Variants in FGD5 observed in about 807,000 individuals in gnomAD.
FGD5 encodes FYVE, RhoGEF and PH domain-containing protein 5.
FGD5 carries 28 observed loss-of-function variants against 133.4 expected under a neutral mutation model. That is an observed-to-expected ratio of 0.21 (90% CI 0.16 to 0.29). FGD5 has a LOEUF of 0.29. FGD5 is among the 10% of genes least tolerant of loss of function. The pLI is 1.00. For missense variants in FGD5, 1,858 were observed against 1,895.2 expected, an observed-to-expected ratio of 0.98 and a Z score of 0.36; for synonymous variants, 810 against 776.5, an observed-to-expected ratio of 1.04 and a Z score of -0.72.
At chr3:14,818,319 A>G (rs542927624), upstream of FGD5, among the ~76,000 whole-genome samples, 1 of 152,338 alleles carries the variant, frequency 6.6e-6, no homozygotes, top group East Asian at 1.9e-4. Context: ...CCCCAGCAGA[A>G]GCACACATCA....
intron 1 of FGD5, among the ~76,000 whole-genome samples, chr3:14,821,938 A>G (rs768125986): frequency 6.6e-6 from 1 of 152,112 alleles, no homozygotes; most frequent in Non-Finnish European, 1.5e-5. Context: ...CGTCTCTACT[A>G]AAAATACAAA....
rs776780984 is a variant in FGD5, at chr3:14,820,786, A to T, written c.1715A>T (p.Asp572Val). Residue 572 changes from aspartate to valine, a missense_variant, in exon 1 of 20, where the codon GAT (aspartate) becomes GTT (valine). By Grantham distance (152) the Asp-to-Val change is radical. This residue lies in a region of FGD5 where 1,824 missense variants were observed against 1,848.9 expected (regional missense o/e 0.99). Coordinates refer to ENST00000285046, the MANE Select transcript of FGD5 (RefSeq NM_152536.4). ...CAGGAGCCTGAGGGGTCAGGGTTGG[A>T]TGACCACAGGATAAAGAGGAAAGAG... ...VYQEPEGSGL[D>V]DHRIKRKEDN... The T allele has an allele frequency of 3.1e-6, 5 of 1,613,818 alleles. No homozygotes were observed. Among genetic ancestry groups the T allele is most frequent in the African/African-American group, 1.3e-5 (1 of 75,000 alleles).
intron 1 of FGD5, among the ~76,000 whole-genome samples, chr3:14,840,683 A>C (rs2036904656): frequency 2.6e-5 from 4 of 152,198 alleles, no homozygotes; most frequent in Admixed American, 2.0e-4. Context: ...TGGCTCAATC[A>C]GTAGCTTTAT....
intron 2 of FGD5, among the ~76,000 whole-genome samples, chr3:14,872,377 T>C (rs1042541689): frequency 6.6e-6 from 1 of 152,200 alleles, no homozygotes; most frequent in Non-Finnish European, 1.5e-5. Context: ...GAGAAGAGAC[T>C]TTATTTCTTA....
chr3:14,865,119 A>ACCCCCCCCCCCC (rs1216267069), intron 2 of FGD5, among the ~76,000 whole-genome samples: 12 of 140,694 alleles, frequency 8.5e-5, no homozygotes, highest in African/African-American at 2.1e-4. Flanking sequence ...CCCCCACCCA[A>ACCCCCCCCCCCC]CCCACCCATC....
intron 4 of FGD5, 47 bp from the exon 5 acceptor site, chr3:14,897,462 T>G (rs1453320067): frequency 3.2e-6 from 5 of 1,569,426 alleles, no homozygotes; most frequent in African/African-American, 2.7e-5. Flanking sequence ...GGAGGACTTG[T>G]GCTCAGTCCT....
intron 1 of FGD5, among the ~76,000 whole-genome samples, chr3:14,830,847 G>C (rs975565057): frequency 6.6e-6 from 1 of 152,188 alleles, no homozygotes; most frequent in African/African-American, 2.4e-5. Flanking sequence ...ATTCTGAGCC[G>C]GGTGCTGCTC....
At chr3:14,900,127 CTTG>C (rs1446390338) in intron 7 of FGD5, among the ~76,000 whole-genome samples, 2 of 152,130 alleles carry the variant, frequency 1.3e-5, no homozygotes, top group African/African-American at 2.4e-5. Context: ...ATGGATTCAC[CTTG>C]TTGTGTCTGT....
chr3:14,870,805 G>A (rs2037592289), intron 2 of FGD5, among the ~76,000 whole-genome samples: 1 of 152,060 alleles, frequency 6.6e-6, no homozygotes, highest in African/African-American at 2.4e-5. Context: ...CCCATACCAA[G>A]CTCATCCTCT....
chr3:14,856,734 T>G (rs2037286552), intron 1 of FGD5, among the ~76,000 whole-genome samples: 1 of 152,206 alleles, frequency 6.6e-6, no homozygotes, highest in African/African-American at 2.4e-5. Context: ...ATATATTGAT[T>G]ATGTATCCTG....
intron 2 of FGD5, among the ~76,000 whole-genome samples, chr3:14,877,404 A>G (rs1160343961): frequency 6.6e-6 from 1 of 152,006 alleles, no homozygotes; most frequent in Non-Finnish European, 1.5e-5. Context: ...ACCCTACCAA[A>G]AGCCTGTCCT....
chr3:14,842,976 T>C (rs908744452), intron 1 of FGD5, among the ~76,000 whole-genome samples: 2 of 152,198 alleles, frequency 1.3e-5, no homozygotes, highest in African/African-American at 4.8e-5. Context: ...TCCTCCTCAC[T>C]GTTGAAATAG....
rs760957823 is a variant in FGD5 at position 14,901,037 on chromosome 3, T to G, written c.3240T>G (p.Arg1080=). Reference sequence around the variant, plus strand: ...GCCTCATCTCCAAAGTCACAGACCGTGCCAACGACAGCATGGAGCAAGGGG... The same window carrying G: ...GCCTCATCTCCAAAGTCACAGACCGGGCCAACGACAGCATGGAGCAAGGGG... ...ALSLISKVTD[R]ANDSMEQGEN... Residue 1080 remains arginine (R), a synonymous_variant, in exon 9 of 20, where the codon CGT becomes CGG. Transcript: ENST00000285046. 4.3e-6 allele frequency: 7 copies of G among 1,613,880 alleles called. No individual in the cohort carries two copies. Among genetic ancestry groups the G allele is most frequent in the South Asian group, 2.2e-5 (2 of 91,080 alleles).
chr3:14,929,469 G>A (rs1042557041), intron 18 of FGD5, among the ~76,000 whole-genome samples: 4 of 152,226 alleles, frequency 2.6e-5, no homozygotes, highest in African/African-American at 9.6e-5. Context: ...AACAACGTGT[G>A]TGAATTTGAG....
intron 4 of FGD5, among the ~76,000 whole-genome samples, chr3:14,891,736 T>G (rs1424112197): frequency 6.6e-6 from 1 of 152,172 alleles, no homozygotes; most frequent in Non-Finnish European, 1.5e-5. Context: ...GCACAGACCT[T>G]TTTAAACTCC....
At chr3:14,882,890 C>T (rs1370718214) in intron 4 of FGD5, among the ~76,000 whole-genome samples, 2 of 152,134 alleles carry the variant, frequency 1.3e-5, no homozygotes, top group Admixed American at 1.3e-4. Context: ...CACTCCCTGG[C>T]TTCGAATCTA....
intron 9 of FGD5, among the ~76,000 whole-genome samples, chr3:14,904,169 T>A (rs1378811637): frequency 2.6e-5 from 4 of 152,226 alleles, no homozygotes; most frequent in African/African-American, 9.6e-5. Flanking sequence ...GTGAAGCTGC[T>A]CTGTCTCACC....
chr3:14,924,387 A>G (rs2038751912), intron 17 of FGD5, among the ~76,000 whole-genome samples: 1 of 151,674 alleles, frequency 6.6e-6, no homozygotes, highest in South Asian at 2.1e-4. Context: ...CTCCTGCCCC[A>G]TAGCTTAGAT....
intron 2 of FGD5, among the ~76,000 whole-genome samples, chr3:14,869,290 T>C (rs760551158): frequency 4.0e-5 from 6 of 151,804 alleles, no homozygotes; most frequent in Non-Finnish European, 7.4e-5. Flanking sequence ...CAAGACTCTG[T>C]CTTAAGACAA....
Sources: allele counts gnomAD v4.1 joint callset (sites outside exome capture counted in the v4.1 genomes callset), GRCh38; gene constraint gnomAD v4.1.1; regional missense constraint gnomAD v4.1.1; transcripts MANE v1.5; gene names NCBI Gene and HGNC (gene_info 2026-07-23, HGNC 2026-07-21).